FAM163B: variants seen among roughly 807,000 people sequenced by gnomAD.
The protein encoded by FAM163B is family with sequence similarity 163 member B.
FAM163B carries 4 observed loss-of-function variants against 7.6 expected under a neutral mutation model. The ratio of observed to expected loss-of-function variants is 0.52; its 90% CI spans 0.26 to 1.20. The LOEUF is 1.20. Ranked by LOEUF, FAM163B falls within the 50% of genes most tolerant of loss-of-function variation. The pLI is 0.14. For missense variants in FAM163B, 250 were observed against 243.0 expected, an observed-to-expected ratio of 1.03 and a Z score of -0.19; for synonymous variants, 120 against 111.6, an observed-to-expected ratio of 1.07 and a Z score of -0.47.
intron 1 of FAM163B, among the ~76,000 whole-genome samples, chr9:133,586,481 AAG>A (rs1831440015): frequency 6.6e-6 from 1 of 152,114 alleles, no homozygotes; most frequent in Admixed American, 6.5e-5. Flanking sequence ...GGCCCCCAGA[AAG>A]AGCACAGGGA....
At position 133,579,175 on chromosome 9, in the gene FAM163B, G is replaced by A. The variant is rs558934266; in HGVS notation, c.348C>T (p.Asn116=). Residue 116 remains asparagine, a synonymous_variant, in exon 3 of 3, where the codon AAC becomes AAT. Transcript: ENST00000673969. ...EPPEEEEDVL[N]GGERVLYKSV... ...TCTTGTAGAGCACGCGCTCCCCGCC[G>A]TTCAGCACGTCCTCTTCCTCCTCCG... 137 of 1,611,580 alleles carry A rather than the reference G, an allele frequency of 8.5e-5. No individual in the cohort carries two copies. Among genetic ancestry groups the A allele is most frequent in the South Asian group, 3.4e-4 (31 of 91,036 alleles).
intron 1 of FAM163B, among the ~76,000 whole-genome samples, chr9:133,598,040 G>T (rs74593856): frequency 1.3e-5 from 2 of 151,946 alleles, no homozygotes; most frequent in Admixed American, 1.3e-4. Context: ...TTTTCTCACT[G>T]GGTTTGGGTC....
chr9:133,595,149 G>T (rs1019592291), intron 1 of FAM163B, among the ~76,000 whole-genome samples: 8 of 152,096 alleles, frequency 5.3e-5, no homozygotes, highest in African/African-American at 1.9e-4. Flanking sequence ...ATTTGTTTTT[G>T]TTTGTTATGT....
chr9:133,589,525 C>T (rs11787695), intron 1 of FAM163B, among the ~76,000 whole-genome samples: 20,385 of 152,120 alleles, frequency 0.13, 1,604 homozygotes, highest in Non-Finnish European at 0.17. Context: ...CCTGTAGGGA[C>T]GGGGTAAACT....
intron 1 of FAM163B, among the ~76,000 whole-genome samples, chr9:133,603,642 A>C (rs1194695107): frequency 2.0e-4 from 31 of 152,108 alleles, no homozygotes; most frequent in Admixed American, 2.0e-3. Context: ...TGATGATAGG[A>C]GCCCGCATGT....
intron 1 of FAM163B, among the ~76,000 whole-genome samples, chr9:133,584,792 G>A (rs897261050): frequency 4.6e-5 from 7 of 152,202 alleles, no homozygotes; most frequent in African/African-American, 9.7e-5. Flanking sequence ...GCCAAGCCTC[G>A]GAGGCAGAGC....
At position 133,579,320 on chromosome 9, in the gene FAM163B, T is replaced by C. The variant is rs1269866723; in HGVS notation, c.203A>G (p.Asn68Ser). The change falls in exon 3 of 3, where the codon AAC becomes AGC. Residue 68 changes from asparagine to serine, a missense_variant. By Grantham distance (46) the Asn-to-Ser change is conservative (BLOSUM62 1). Coordinates refer to ENST00000673969, the MANE Select transcript of FAM163B (RefSeq NM_001080515.3). ...LHSNRNLVLT[N>S]GPALYPTAST... The stretch of plus-strand genomic sequence containing the variant: ...GGCGGTGGGGTAGAGCGCCGGCCCG[T>C]TGGTCAGCACCAGGTTGCGGTTGGA... 1.9e-6 allele frequency: 3 copies of C among 1,613,644 alleles called. No homozygotes were observed. Among genetic ancestry groups the C allele is most frequent in the Non-Finnish European group, 1.7e-6 (2 of 1,179,942 alleles).
At chr9:133,590,060 CCCTT>C (rs1564193392) in intron 1 of FAM163B, among the ~76,000 whole-genome samples, 3 of 25,042 alleles carry the variant, frequency 1.2e-4, no homozygotes, top group African/African-American at 2.8e-4. Flanking sequence ...CCCTTCCCTT[CCCTT>C]CCCCTTCCCT....
chr9:133,589,116 C>T lies in FAM163B; in HGVS notation c.-23-8870G>A, dbSNP rs146770887. The stretch of plus-strand genomic sequence containing the variant: ...CCGGAAAATACCCCCTGGGAAATCC[C>T]GTGAGCTGGGGCTCCTGCCCGTGCC... On this transcript the variant is annotated intron_variant, in intron 1 of 2. Transcript: ENST00000673969. Among the ~76,000 whole-genome samples, 914 of 152,274 alleles carry T rather than the reference C, an allele frequency of 6.0e-3. 8 individuals are homozygous for T. Among genetic ancestry groups the T allele is most frequent in the African/African-American group, 0.02 (838 of 41,562 alleles).
chr9:133,590,528 A>T (rs1443691178), intron 1 of FAM163B, among the ~76,000 whole-genome samples: 1 of 152,192 alleles, frequency 6.6e-6, no homozygotes, highest in Admixed American at 6.5e-5. Context: ...AAGAGGGAGG[A>T]AGCACAGGCT....
At chr9:133,598,623 G>A (rs1420952181) in intron 1 of FAM163B, among the ~76,000 whole-genome samples, 1 of 144,956 alleles carries the variant, frequency 6.9e-6, no homozygotes, top group Admixed American at 6.8e-5. Flanking sequence ...GGGAGGGAGG[G>A]AGAGAGGGAC....
At chr9:133,589,927 C>T (rs115271240) in intron 1 of FAM163B, among the ~76,000 whole-genome samples, 2,044 of 152,108 alleles carry the variant, frequency 0.013, 49 homozygotes, top group African/African-American at 0.045. Context: ...GGCCTGAAAA[C>T]CCCGGGCAAG....
chr9:133,599,863 G>A (rs1159908849), intron 1 of FAM163B, among the ~76,000 whole-genome samples: 1 of 150,832 alleles, frequency 6.6e-6, no homozygotes, highest in East Asian at 2.0e-4. Context: ...GCATGTGTGT[G>A]CTAGTGTGTC....
chr9:133,583,633 T>C (rs1380127524), intron 1 of FAM163B, among the ~76,000 whole-genome samples: 5 of 152,134 alleles, frequency 3.3e-5, no homozygotes, highest in African/African-American at 1.2e-4. Flanking sequence ...CGCAAAGCTC[T>C]CTCTCAGGTC....
intron 1 of FAM163B, among the ~76,000 whole-genome samples, chr9:133,607,114 G>A (rs1329527872): frequency 6.6e-6 from 1 of 152,188 alleles, no homozygotes; most frequent in East Asian, 1.9e-4. Flanking sequence ...GGCAAAAAGG[G>A]AGGAACTGCA....
intron 1 of FAM163B, among the ~76,000 whole-genome samples, chr9:133,607,517 C>T (rs1831804755): frequency 1.3e-5 from 2 of 152,320 alleles, no homozygotes; most frequent in South Asian, 4.1e-4. Context: ...TCCAGCAATG[C>T]ACCCTGGAGC....
intron 1 of FAM163B, among the ~76,000 whole-genome samples, chr9:133,608,454 C>CCGA (rs1564199874): frequency 6.6e-6 from 1 of 151,960 alleles, no homozygotes; most frequent in South Asian, 2.1e-4. Flanking sequence ...TAGGCAACCC[C>CCGA]CCACCTGTCA....
intron 1 of FAM163B, among the ~76,000 whole-genome samples, chr9:133,581,628 G>A (rs375106758): frequency 1.3e-3 from 205 of 152,150 alleles, no homozygotes; most frequent in African/African-American, 4.0e-3. Context: ...ACCCATTCAC[G>A]CCCCGCACCC....
Position 133,578,786 on chromosome 9 carries a change from G to C in FAM163B, c.*236C>G, listed in dbSNP as rs951962286. ...TGCCCAGCCGGCTGTATGGTCACCT[G>C]GTCCTTCTAGCCCCAGGCCCCAGCT... is the stretch of plus-strand genomic sequence containing the variant. On this transcript the variant is annotated 3_prime_UTR_variant, in exon 3 of 3. Transcript: ENST00000673969. 1 of 669,242 alleles carries C rather than the reference G, an allele frequency of 1.5e-6. No individual in the cohort carries two copies. Among genetic ancestry groups the C allele is most frequent in the Non-Finnish European group, 2.3e-6 (1 of 442,312 alleles). 41.5% of individuals were successfully genotyped at this position (669,242 alleles called of 1,614,324 possible). A position where few individuals can be genotyped will look rare whatever the true frequency, so the allele number is the denominator to read the frequency against.
Sources: gnomAD v4.1 joint callset for allele counts (sites outside exome capture counted in the v4.1 genomes callset) on GRCh38, gnomAD v4.1.1 for gene constraint, MANE v1.5 for transcripts, NCBI Gene and HGNC (gene_info 2026-07-23, HGNC 2026-07-21) for gene names.